The following KCNMA1 variants were observed in gnomAD, a reference collection of about 807,000 sequenced individuals.
KCNMA1 encodes potassium calcium-activated channel subfamily M alpha 1, also known as Calcium-activated potassium channel subunit alpha-1.
Under a neutral mutation model 140.0 loss-of-function variants are expected in KCNMA1, and 29 were observed. The ratio of observed to expected loss-of-function variants is 0.21; its 90% CI spans 0.15 to 0.28. The LOEUF (loss-of-function observed/expected upper bound fraction) is 0.28. KCNMA1 is among the 10% of genes least tolerant of loss of function. The pLI is 1.00. For synonymous variants in KCNMA1, 612 were observed against 611.9 expected (o/e 1.00, Z 0.00); for missense variants, 880 against 1,602.2 (o/e 0.55, Z 7.70).
intron 3 of KCNMA1, among the ~76,000 whole-genome samples, chr10:77,223,696 C>T (rs945627147): frequency 6.6e-6 from 1 of 152,152 alleles, no homozygotes; most frequent in Non-Finnish European, 1.5e-5. Flanking sequence ...AATTGTGGGG[C>T]ACTGTCCTCT....
At chr10:77,200,123 G>A (rs11002076) in intron 3 of KCNMA1, among the ~76,000 whole-genome samples, 8,771 of 152,042 alleles carry the variant, frequency 0.058, 733 homozygotes, top group East Asian at 0.42. Flanking sequence ...GCTAATTTTT[G>A]TATTTTTGGT....
intron 22 of KCNMA1, among the ~76,000 whole-genome samples, chr10:76,948,079 A>G (rs922359019): frequency 6.6e-6 from 1 of 152,098 alleles, no homozygotes; most frequent in Non-Finnish European, 1.5e-5. Flanking sequence ...TTCACAGCCC[A>G]CTGCAGCCTC....
chr10:76,913,623 G>C (rs1397429276), intron 24 of KCNMA1: 1 of 155,872 alleles, frequency 6.4e-6, no homozygotes, highest in Non-Finnish European at 1.4e-5. Flanking sequence ...GCCATCTTAG[G>C]TTTCTTATCT....
chr10:77,588,247 GAGGC>G (rs944458420), intron 1 of KCNMA1, among the ~76,000 whole-genome samples: 11 of 152,236 alleles, frequency 7.2e-5, no homozygotes, highest in Non-Finnish European at 1.6e-4. Context: ...GGGCAGACAG[GAGGC>G]TGAGAGCAGA....
intron 14 of KCNMA1, among the ~76,000 whole-genome samples, chr10:77,061,732 C>T (rs956774073): frequency 2.0e-5 from 3 of 152,176 alleles, no homozygotes; most frequent in Admixed American, 6.5e-5. Flanking sequence ...TATTCATGAT[C>T]GCCCCAACTG....
chr10:77,047,770 TC>T (rs2095156394), intron 14 of KCNMA1, among the ~76,000 whole-genome samples: 1 of 152,154 alleles, frequency 6.6e-6, no homozygotes, highest in Non-Finnish European at 1.5e-5. Context: ...TACATGTCCT[TC>T]AAATAATAAG....
chr10:77,192,594 T>G (rs1268227579), intron 3 of KCNMA1, among the ~76,000 whole-genome samples: 1 of 152,174 alleles, frequency 6.6e-6, no homozygotes, highest in Non-Finnish European at 1.5e-5. Context: ...AAACTGGGGA[T>G]AAGGTTACGA....
At chr10:77,478,029 T>C (rs2098313517) in intron 1 of KCNMA1, among the ~76,000 whole-genome samples, 1 of 152,306 alleles carries the variant, frequency 6.6e-6, no homozygotes, top group Non-Finnish European at 1.5e-5. Context: ...CCCTCTGCCG[T>C]TAATTCTATG....
In KCNMA1 at chr10:76,944,405, A is replaced by G. The variant is rs184011810; in HGVS notation, c.2902+368T>C. On this transcript the variant is annotated intron_variant, in intron 23 of 27. Transcript: ENST00000286628. ...TTCATTCCCATCCCAGCTCAATGGCAAAAACATATACTGGAAGGAAACGGT... is the reference window on the plus strand; with the variant it reads ...TTCATTCCCATCCCAGCTCAATGGCGAAAACATATACTGGAAGGAAACGGT... 3.1e-3 allele frequency among the ~76,000 whole-genome samples: 477 copies of G among 152,314 alleles called. 2 individuals carry two copies. The highest frequency in any genetic ancestry group is 0.011 in the African/African-American group (454 of 41,572).
At position 77,130,373 on chromosome 10, in the gene KCNMA1, T is replaced by A. The variant is rs188307994; in HGVS notation, c.809-9325A>T. On this transcript the variant is annotated intron_variant, in intron 5 of 27. Transcript: ENST00000286628. ...GTAAGTGTTCTGAGCATGTTTAAGA[T>A]AGGGTAGGCTCAGCTGTGATGTTTG... Among the ~76,000 whole-genome samples the A allele has an allele frequency of 6.6e-5, 10 of 152,288 alleles. No homozygotes were observed. In the South Asian group the frequency reaches 1.9e-3, roughly 28 times the overall value.
chr10:77,384,256 A>G (rs747128142), intron 2 of KCNMA1, among the ~76,000 whole-genome samples: 9 of 152,242 alleles, frequency 5.9e-5, no homozygotes, highest in Non-Finnish European at 1.3e-4. Flanking sequence ...AGGTAGGGAC[A>G]ACACCTATGC....
rs191226763 is a variant in KCNMA1 at position 77,055,550 on chromosome 10, A to T, written c.1750-15913T>A. 6.8e-5 allele frequency among the ~76,000 whole-genome samples: 10 copies of T among 147,616 alleles called. No homozygotes were observed. The East Asian group carries it at 2.0e-3, about 29-fold the overall frequency. ...TTTTTCTCTCCTCCTGTGCCCCAACACCAAGCCATCTAGTAGTGGCAGTAG... is the reference window on the plus strand; with the variant it reads ...TTTTTCTCTCCTCCTGTGCCCCAACTCCAAGCCATCTAGTAGTGGCAGTAG... On this transcript the variant is annotated intron_variant, in intron 14 of 27. Transcript: ENST00000286628.
chr10:76,942,595 G>A lies in KCNMA1; in HGVS notation c.2902+2178C>T, dbSNP rs117310278. Among the ~76,000 whole-genome samples, 98 of 152,304 alleles carry A rather than the reference G, an allele frequency of 6.4e-4. 2 individuals carry two copies. The East Asian group carries it at 0.018, about 28-fold the overall frequency. On this transcript the variant is annotated intron_variant, in intron 23 of 27. Coordinates refer to ENST00000286628, the MANE Select transcript of KCNMA1 (RefSeq NM_001161352.2). ...TTGGGCACCGGGGAGTGGAAGAATTGTTACCAGTTTGGCCTTTATATAGGA... is the reference window on the plus strand; with the variant it reads ...TTGGGCACCGGGGAGTGGAAGAATTATTACCAGTTTGGCCTTTATATAGGA...
intron 2 of KCNMA1, among the ~76,000 whole-genome samples, chr10:77,271,480 G>A (rs2065125366): frequency 6.6e-6 from 1 of 152,196 alleles, no homozygotes; most frequent in South Asian, 2.1e-4. Context: ...TCCCAGAGAT[G>A]TGGCCTAGAG....
At chr10:77,612,293 T>A (rs2720009) in intron 1 of KCNMA1, among the ~76,000 whole-genome samples, 35,514 of 152,186 alleles carry the variant, frequency 0.23, 4,449 homozygotes, top group African/African-American at 0.29. Context: ...CTTCTCCCAA[T>A]TTATTTTCTT....
intron 14 of KCNMA1, among the ~76,000 whole-genome samples, chr10:77,044,765 A>T (rs1220964214): frequency 6.6e-6 from 1 of 152,188 alleles, no homozygotes; most frequent in Non-Finnish European, 1.5e-5. Flanking sequence ...TAGATGATAA[A>T]ACTGAGGCAC....
chr10:77,509,547 G>A (rs1165292591), intron 1 of KCNMA1, among the ~76,000 whole-genome samples: 1 of 152,094 alleles, frequency 6.6e-6, no homozygotes, highest in Non-Finnish European at 1.5e-5. Flanking sequence ...AATTCTATGT[G>A]TCATATTTTG....
chr10:77,605,861 G>A (rs1426062865), intron 1 of KCNMA1, among the ~76,000 whole-genome samples: 1 of 152,244 alleles, frequency 6.6e-6, no homozygotes, highest in Non-Finnish European at 1.5e-5. Context: ...CATCAGGGAT[G>A]CCCATGTTAT....
intron 10 of KCNMA1, among the ~76,000 whole-genome samples, chr10:77,088,196 A>G (rs2096736055): frequency 6.6e-6 from 1 of 152,152 alleles, no homozygotes; most frequent in African/African-American, 2.4e-5. Flanking sequence ...CCTGGCCTCA[A>G]GTGAGCCACC....
Sources: allele counts gnomAD v4.1 joint callset (sites outside exome capture counted in the v4.1 genomes callset), GRCh38; gene constraint gnomAD v4.1.1; transcripts MANE v1.5; gene names NCBI Gene and HGNC (gene_info 2026-07-23, HGNC 2026-07-21).